The following ASIC2 variants were observed in gnomAD, a reference collection of about 807,000 sequenced individuals.
The protein encoded by ASIC2 is acid sensing ion channel subunit 2.
Under a neutral mutation model 57.3 loss-of-function variants are expected in ASIC2, and 25 were observed. The observed-to-expected ratio is 0.44, with a 90% CI of 0.32 to 0.61. The LOEUF (loss-of-function observed/expected upper bound fraction) is 0.61. Among genes scored for constraint, ASIC2 ranks in the 20% least tolerant of loss-of-function variants. ASIC2 has a pLI of 0.06. For synonymous variants in ASIC2, 319 were observed against 307.5 expected, an observed-to-expected ratio of 1.04 and a Z score of -0.39; for missense variants, 641 against 738.1, an observed-to-expected ratio of 0.87 and a Z score of 1.52.
At chr17:33,518,823 A>G in intron 1 of ASIC2, among the ~76,000 whole-genome samples, 1 of 148,182 alleles carries the variant, frequency 6.7e-6, no homozygotes, top group African/African-American at 2.5e-5. Context: ...TGAGATAACT[A>G]CTCTTTTTTT....
chr17:33,861,673 GA>G (rs1280182840), intron 1 of ASIC2, among the ~76,000 whole-genome samples: 6 of 152,214 alleles, frequency 3.9e-5, no homozygotes, highest in Non-Finnish European at 4.4e-5. Context: ...AGAGGAAGGT[GA>G]AAAGGCTATC....
chr17:33,972,604 G>A (rs535685773), intron 1 of ASIC2, among the ~76,000 whole-genome samples: 1 of 152,168 alleles, frequency 6.6e-6, no homozygotes, highest in Non-Finnish European at 1.5e-5. Flanking sequence ...TTTATTGCTT[G>A]AAATTTGCAC....
chr17:34,131,232 G>T (rs950921079), intron 1 of ASIC2, among the ~76,000 whole-genome samples: 1 of 152,140 alleles, frequency 6.6e-6, no homozygotes, highest in African/African-American at 2.4e-5. Context: ...TGATGGACTG[G>T]GACAAAGTAG....
chr17:33,232,446 AATGGTATGGTATGGT>A (rs796183336), intron 1 of ASIC2, among the ~76,000 whole-genome samples: 13 of 128,034 alleles, frequency 1.0e-4, no homozygotes, highest in African/African-American at 3.5e-4. Flanking sequence ...TATGGTATGG[AATGGTATGGTATGGT>A]ATGGTATGGT....
chr17:33,100,615 A>G (rs2092208427), intron 2 of ASIC2, among the ~76,000 whole-genome samples: 2 of 152,206 alleles, frequency 1.3e-5, no homozygotes, highest in Non-Finnish European at 2.9e-5. Context: ...CTCCTTGGAC[A>G]CTTTATATGA....
intron 1 of ASIC2, among the ~76,000 whole-genome samples, chr17:33,499,840 G>A (rs1445280414): frequency 6.6e-6 from 1 of 152,232 alleles, no homozygotes; most frequent in African/African-American, 2.4e-5. Context: ...GGAGGCCACA[G>A]AGAGGAAGCA....
At chr17:33,735,815 A>C (rs2142094104) in intron 1 of ASIC2, among the ~76,000 whole-genome samples, 1 of 152,188 alleles carries the variant, frequency 6.6e-6, no homozygotes, top group Non-Finnish European at 1.5e-5. Context: ...GCTGTGTCCC[A>C]GTTCTGCTCT....
At chr17:33,133,144 C>T (rs2092354012) in intron 1 of ASIC2, among the ~76,000 whole-genome samples, 1 of 152,116 alleles carries the variant, frequency 6.6e-6, no homozygotes, top group Non-Finnish European at 1.5e-5. Context: ...CTCACCTGAG[C>T]GATCAGAAAA....
chr17:34,150,528 TAA>T (rs1217946070), intron 1 of ASIC2, among the ~76,000 whole-genome samples: 1 of 152,230 alleles, frequency 6.6e-6, no homozygotes, highest in Non-Finnish European at 1.5e-5. Context: ...CTTTTACTAA[TAA>T]ACTTTTTAAA....
At chr17:33,446,230 GGA>G (rs1275993527) in intron 1 of ASIC2, among the ~76,000 whole-genome samples, 4 of 152,142 alleles carry the variant, frequency 2.6e-5, no homozygotes, top group African/African-American at 9.6e-5. Context: ...CATCCCTGGT[GGA>G]GAAAAGCATC....
intron 1 of ASIC2, among the ~76,000 whole-genome samples, chr17:33,521,757 G>A (rs779642344): frequency 2.6e-5 from 4 of 152,184 alleles, no homozygotes; most frequent in Non-Finnish European, 4.4e-5. Context: ...CAGCATTCAT[G>A]CCCCACGGTC....
intron 1 of ASIC2, chr17:34,051,659 T>G (rs993896245): frequency 6.6e-6 from 1 of 152,178 alleles, no homozygotes; most frequent in Non-Finnish European, 1.5e-5. Flanking sequence ...AGCACCTCAG[T>G]GCATTCTTGT....
intron 1 of ASIC2, among the ~76,000 whole-genome samples, chr17:33,795,978 T>C (rs985262640): frequency 6.6e-6 from 1 of 152,226 alleles, no homozygotes; most frequent in Non-Finnish European, 1.5e-5. Context: ...AGAATTCCAG[T>C]AGATTATCAA....
intron 1 of ASIC2, among the ~76,000 whole-genome samples, chr17:33,731,985 T>C (rs1365453502): frequency 6.6e-6 from 1 of 152,210 alleles, no homozygotes; most frequent in Admixed American, 6.5e-5. Flanking sequence ...AAAAAAATGA[T>C]GATTCATAAA....
intron 1 of ASIC2, among the ~76,000 whole-genome samples, chr17:33,184,416 T>C (rs1378804363): frequency 6.6e-6 from 1 of 151,864 alleles, no homozygotes; most frequent in African/African-American, 2.4e-5. Context: ...ACCTGAGACT[T>C]AGGGAGGGAA....
At chr17:33,631,330 T>TC (rs1906161981) in intron 1 of ASIC2, among the ~76,000 whole-genome samples, 1 of 151,732 alleles carries the variant, frequency 6.6e-6, no homozygotes, top group South Asian at 2.1e-4. Flanking sequence ...TGATTTTTTT[T>TC]TTTTTTTTTG....
chr17:34,023,663 C>A (rs756498332), intron 1 of ASIC2, among the ~76,000 whole-genome samples: 15 of 152,174 alleles, frequency 9.9e-5, no homozygotes, highest in Non-Finnish European at 4.4e-5. Flanking sequence ...TCCGGAGGTG[C>A]AGCATCAAGG....
At chr17:34,038,923 A>C in intron 1 of ASIC2, 15 of 1,612,834 alleles carry the variant, frequency 9.3e-6, no homozygotes, top group Non-Finnish European at 1.3e-5. Context: ...GATTCTGAAA[A>C]GCATAACCAT....
intron 1 of ASIC2, among the ~76,000 whole-genome samples, chr17:33,665,381 A>C (rs1191700242): frequency 6.6e-6 from 1 of 152,098 alleles, no homozygotes; most frequent in East Asian, 1.9e-4. Flanking sequence ...GAGACCAAAG[A>C]CCATAACATT....
Sources: allele counts gnomAD v4.1 joint callset (sites outside exome capture counted in the v4.1 genomes callset), GRCh38; gene constraint gnomAD v4.1.1; transcripts MANE v1.5; gene names NCBI Gene and HGNC (gene_info 2026-07-23, HGNC 2026-07-21).